Variants in NPAS3 observed in about 807,000 individuals in gnomAD.
NPAS3 encodes neuronal PAS domain protein 3.
In NPAS3, 14 loss-of-function variants were observed where a neutral mutation model predicts 73.1. That is an observed-to-expected ratio of 0.19 (90% CI 0.13 to 0.30). The LOEUF is 0.30. Among genes scored for constraint, NPAS3 ranks in the 10% least tolerant of loss-of-function variants. NPAS3 has a pLI of 1.00. For synonymous variants in NPAS3, 620 were observed against 541.5 expected (o/e 1.14, Z -2.01); for missense variants, 1,096 against 1,250.0 (o/e 0.88, Z 1.86).
At chr14:33,341,972 G>A (rs1201350716) in intron 3 of NPAS3, among the ~76,000 whole-genome samples, 2 of 152,138 alleles carry the variant, frequency 1.3e-5, no homozygotes, top group Non-Finnish European at 2.9e-5. Flanking sequence ...TTACTGTCTT[G>A]TATGCCATTC....
intron 3 of NPAS3, among the ~76,000 whole-genome samples, chr14:33,300,903 G>C (rs1159670436): frequency 6.6e-6 from 1 of 152,152 alleles, no homozygotes; most frequent in Non-Finnish European, 1.5e-5. Flanking sequence ...ACCCCTCAGA[G>C]GCAGGCCCAA....
At chr14:32,989,517 G>T (rs149675915) in intron 1 of NPAS3, among the ~76,000 whole-genome samples, 1 of 152,054 alleles carries the variant, frequency 6.6e-6, no homozygotes, top group African/African-American at 2.4e-5. Context: ...GGTGGCGGGC[G>T]CCTGTAGTCC....
chr14:32,991,268 A>G (rs1454627627), intron 1 of NPAS3, among the ~76,000 whole-genome samples: 9 of 152,104 alleles, frequency 5.9e-5, no homozygotes, highest in Non-Finnish European at 2.9e-5. Context: ...TTTCAGCAGA[A>G]TCAAGTCCCA....
chr14:33,226,309 G>T (rs934220328), intron 3 of NPAS3, among the ~76,000 whole-genome samples: 1 of 152,030 alleles, frequency 6.6e-6, no homozygotes, highest in Non-Finnish European at 1.5e-5. Context: ...GATCAGTTTA[G>T]GTTAATTAAT....
At chr14:33,006,446 C>A (rs2039006481) in intron 1 of NPAS3, among the ~76,000 whole-genome samples, 1 of 152,130 alleles carries the variant, frequency 6.6e-6, no homozygotes, top group South Asian at 2.1e-4. Context: ...TTCCACACAA[C>A]AACAGCGCTA....
chr14:33,614,668 T>C (rs1383081755), intron 5 of NPAS3, among the ~76,000 whole-genome samples: 1 of 152,212 alleles, frequency 6.6e-6, no homozygotes, highest in Non-Finnish European at 1.5e-5. Context: ...TTGTTGACTA[T>C]TTAAAGGTCA....
At chr14:33,446,441 C>A (rs541678403) in intron 4 of NPAS3, among the ~76,000 whole-genome samples, 23 of 152,108 alleles carry the variant, frequency 1.5e-4, no homozygotes, top group African/African-American at 4.8e-4. Flanking sequence ...TCCCAAAGTG[C>A]TGGGATTACA....
In NPAS3 at chr14:33,781,469, CA is replaced by C. The variant is rs532988732; in HGVS notation, c.1153+2902del. Among the ~76,000 whole-genome samples, 8 of 152,312 alleles carry C rather than the reference CA, an allele frequency of 5.3e-5. No individual in the cohort carries two copies. In the East Asian group the frequency reaches 1.5e-3, roughly 29 times the overall value. ...GTTGTGTAAACACTGGAAGAAAAGG[CA>C]AAAAGCCAGCACAGCATCTTGCTTT... On this transcript the variant is annotated intron_variant, in intron 9 of 11. Coordinates refer to ENST00000356141, the Ensembl canonical transcript of NPAS3.
At chr14:33,198,916 G>A (rs919194775) in intron 2 of NPAS3, among the ~76,000 whole-genome samples, 11 of 152,296 alleles carry the variant, frequency 7.2e-5, no homozygotes, top group South Asian at 6.2e-4. Context: ...GAATTTGAGC[G>A]CGGCGTGGAT....
At chr14:33,361,596 A>G (rs1280104250) in intron 3 of NPAS3, among the ~76,000 whole-genome samples, 1 of 152,190 alleles carries the variant, frequency 6.6e-6, no homozygotes, top group African/African-American at 2.4e-5. Flanking sequence ...GTCAACCCAT[A>G]CTTAAATGGT....
intron 7 of NPAS3, among the ~76,000 whole-genome samples, chr14:33,755,886 G>A (rs1184627417): frequency 6.6e-6 from 1 of 152,132 alleles, no homozygotes; most frequent in African/African-American, 2.4e-5. Context: ...CATGGAAAGA[G>A]AGGAAGCAAG....
At chr14:33,690,331 G>C (rs1473636463) in intron 6 of NPAS3, among the ~76,000 whole-genome samples, 1 of 150,186 alleles carries the variant, frequency 6.7e-6, no homozygotes, top group East Asian at 2.0e-4. Context: ...AAAAGCAAGA[G>C]AGATGCCCAA....
intron 7 of NPAS3, among the ~76,000 whole-genome samples, chr14:33,763,221 T>A (rs1158084906): frequency 6.6e-6 from 1 of 152,160 alleles, no homozygotes; most frequent in Non-Finnish European, 1.5e-5. Context: ...GGCACCGCCG[T>A]GGATTCATCC....
chr14:33,759,501 T>C (rs2062216897), intron 7 of NPAS3, among the ~76,000 whole-genome samples: 1 of 152,346 alleles, frequency 6.6e-6, no homozygotes, highest in East Asian at 1.9e-4. Context: ...TGAAACATTC[T>C]TAAACACAGT....
intron 2 of NPAS3, among the ~76,000 whole-genome samples, chr14:33,061,002 G>A (rs2041077121): frequency 1.3e-5 from 2 of 152,170 alleles, no homozygotes; most frequent in Non-Finnish European, 2.9e-5. Context: ...ACCAAAAGAG[G>A]GAAGGAATTA....
chr14:33,117,182 C>T (rs2043094926), intron 2 of NPAS3, among the ~76,000 whole-genome samples: 1 of 151,780 alleles, frequency 6.6e-6, no homozygotes, highest in Non-Finnish European at 1.5e-5. Flanking sequence ...TCACTTCATG[C>T]ATTTATCATT....
intron 5 of NPAS3, among the ~76,000 whole-genome samples, chr14:33,661,849 A>G (rs2059317572): frequency 6.6e-6 from 1 of 152,196 alleles, no homozygotes; most frequent in African/African-American, 2.4e-5. Flanking sequence ...TCTTAATCCA[A>G]TTTTACTTTT....
At chr14:33,215,604 A>AGAC (rs2047194421) in intron 3 of NPAS3, 178 bp downstream of exon 3, 1 of 759,464 alleles carries the variant, frequency 1.3e-6, no homozygotes. Flanking sequence ...TAAACCTCTT[A>AGAC]TTTTTCTATT....
intron 2 of NPAS3, among the ~76,000 whole-genome samples, chr14:33,070,592 G>A (rs2041451493): frequency 6.6e-6 from 1 of 152,178 alleles, no homozygotes; most frequent in Non-Finnish European, 1.5e-5. Flanking sequence ...TAACTTTGTG[G>A]ATCATTGTTT....
Sources: allele counts gnomAD v4.1 joint callset (sites outside exome capture counted in the v4.1 genomes callset), GRCh38; gene constraint gnomAD v4.1.1; transcripts MANE v1.5; gene names NCBI Gene and HGNC (gene_info 2026-07-23, HGNC 2026-07-21).